The following NR6A1 variants were observed in gnomAD, a reference collection of about 807,000 sequenced individuals.
NR6A1 encodes the protein nuclear receptor subfamily 6 group A member 1.
In NR6A1, 7 loss-of-function variants were observed where a neutral mutation model predicts 59.1. That is an observed-to-expected ratio of 0.12 (90% CI 0.07 to 0.22). NR6A1 has a LOEUF of 0.22. NR6A1 is among the 10% of genes least tolerant of loss of function. The probability of loss-of-function intolerance (pLI) is 1.00; values close to 1 mark genes in which losing one functional copy is unlikely to be tolerated. For missense variants in NR6A1, 468 were observed against 611.6 expected (o/e 0.77, Z 2.48); for synonymous variants, 243 against 236.1 (o/e 1.03, Z -0.27).
At chr9:124,627,749 T>C (rs141671120) in intron 2 of NR6A1, among the ~76,000 whole-genome samples, 1 of 151,990 alleles carries the variant, frequency 6.6e-6, no homozygotes, top group East Asian at 2.0e-4. Context: ...TTTTCAAATT[T>C]TTTTGTACAA....
At chr9:124,765,493 C>G (rs1429830571) in intron 1 of NR6A1, among the ~76,000 whole-genome samples, 1 of 152,024 alleles carries the variant, frequency 6.6e-6, no homozygotes, top group Non-Finnish European at 1.5e-5. Context: ...TTTTTAAGAA[C>G]AAAAATTCCA....
At chr9:124,616,118 A>G (rs1253907106) in intron 2 of NR6A1, among the ~76,000 whole-genome samples, 1 of 151,970 alleles carries the variant, frequency 6.6e-6, no homozygotes, top group East Asian at 1.9e-4. Context: ...AACTAATTGG[A>G]CAGGCGCAGT....
At chr9:124,562,343 A>T (rs1369167068) in intron 2 of NR6A1, among the ~76,000 whole-genome samples, 1 of 152,228 alleles carries the variant, frequency 6.6e-6, no homozygotes, top group Non-Finnish European at 1.5e-5. Flanking sequence ...CCATAACTAA[A>T]CACAAACATT....
intron 2 of NR6A1, among the ~76,000 whole-genome samples, chr9:124,724,942 A>C (rs931396816): frequency 3.3e-5 from 5 of 152,240 alleles, no homozygotes; most frequent in African/African-American, 1.2e-4. Flanking sequence ...TCCTGAAGTC[A>C]CAGGTCCCTT....
chr9:124,660,588 TG>T (rs1837399675), intron 2 of NR6A1, among the ~76,000 whole-genome samples: 1 of 128,258 alleles, frequency 7.8e-6, no homozygotes, highest in Admixed American at 1.0e-4. Context: ...TGCAGAAAGA[TG>T]GGGGATTCAG....
intron 2 of NR6A1, among the ~76,000 whole-genome samples, chr9:124,644,271 C>CTTTT (rs35401605): frequency 0.76 from 74,126 of 97,048 alleles, 29,441 homozygotes; most frequent in South Asian, 0.88. Context: ...ATTAAGTCTT[C>CTTTT]TTTTTTTTTT....
chr9:124,550,924 A>G (rs1833761321), intron 3 of NR6A1, among the ~76,000 whole-genome samples: 1 of 152,194 alleles, frequency 6.6e-6, no homozygotes, highest in Admixed American at 6.5e-5. Context: ...GTATGAACTC[A>G]TGGATATTTT....
intron 2 of NR6A1, among the ~76,000 whole-genome samples, chr9:124,718,784 ATTAAAC>A (rs989439673): frequency 4.3e-5 from 6 of 138,736 alleles, no homozygotes; most frequent in African/African-American, 1.6e-4. Context: ...CGAGTCCCCT[ATTAAAC>A]TTAAATTGTT....
intron 2 of NR6A1, among the ~76,000 whole-genome samples, chr9:124,668,370 A>G (rs1310155702): frequency 2.7e-5 from 4 of 149,542 alleles, no homozygotes; most frequent in Non-Finnish European, 4.4e-5. Flanking sequence ...AGAGGCAGCC[A>G]TACTTAGTGT....
intron 1 of NR6A1, among the ~76,000 whole-genome samples, chr9:124,743,789 T>A (rs1298282481): frequency 4.6e-5 from 7 of 152,232 alleles, no homozygotes; most frequent in Admixed American, 2.0e-4. Flanking sequence ...TCAGAGGTCA[T>A]TAGTGTTTCT....
At chr9:124,740,723 C>T (rs1047004207) in intron 1 of NR6A1, among the ~76,000 whole-genome samples, 1 of 152,162 alleles carries the variant, frequency 6.6e-6, no homozygotes, top group Non-Finnish European at 1.5e-5. Context: ...ATACAACAGT[C>T]ATTCACTGGT....
intron 2 of NR6A1, among the ~76,000 whole-genome samples, chr9:124,727,977 C>T (rs1839771834): frequency 6.6e-6 from 1 of 151,868 alleles, no homozygotes. Flanking sequence ...GCCACCATGC[C>T]TGGCCTAATG....
intron 2 of NR6A1, among the ~76,000 whole-genome samples, chr9:124,665,285 A>G (rs1406690361): frequency 6.6e-6 from 1 of 152,130 alleles, no homozygotes; most frequent in African/African-American, 2.4e-5. Context: ...CATTTGTTGA[A>G]GTCAAACTAA....
At chr9:124,531,396 AAGG>A (rs781498560) in intron 7 of NR6A1, among the ~76,000 whole-genome samples, 1 of 152,222 alleles carries the variant, frequency 6.6e-6, no homozygotes, top group Non-Finnish European at 1.5e-5. Context: ...GAGAAGAGAA[AAGG>A]AGGTGATCAT....
intron 2 of NR6A1, among the ~76,000 whole-genome samples, chr9:124,580,713 A>G (rs1834738904): frequency 6.6e-6 from 1 of 152,014 alleles, no homozygotes; most frequent in Admixed American, 6.6e-5. Flanking sequence ...CCAGTTACTC[A>G]GGGGGCTAAG....
intron 2 of NR6A1, among the ~76,000 whole-genome samples, chr9:124,566,479 C>T (rs140843311): frequency 1.7e-3 from 258 of 152,228 alleles, no homozygotes; most frequent in African/African-American, 5.9e-3. Context: ...GGAAAACAAA[C>T]GCAAGGTGTG....
chr9:124,734,862 A>G (rs1294506912), intron 1 of NR6A1, among the ~76,000 whole-genome samples: 2 of 152,088 alleles, frequency 1.3e-5, no homozygotes, highest in African/African-American at 4.8e-5. Flanking sequence ...TTTTTGTTTG[A>G]TACGGAGTTT....
intron 2 of NR6A1, among the ~76,000 whole-genome samples, chr9:124,648,982 G>A (rs1177856887): frequency 6.6e-6 from 1 of 151,972 alleles, no homozygotes; most frequent in Non-Finnish European, 1.5e-5. Flanking sequence ...GACATCCCAT[G>A]TTCATAAAGT....
At chr9:124,696,160 C>T (rs116772057) in intron 2 of NR6A1, among the ~76,000 whole-genome samples, 1,546 of 152,086 alleles carry the variant, frequency 0.01, 24 homozygotes, top group African/African-American at 0.035. Flanking sequence ...GTGAGCAAGG[C>T]GCAAAGTCAA....
Sources: allele counts gnomAD v4.1 joint callset (sites outside exome capture counted in the v4.1 genomes callset), GRCh38; gene constraint gnomAD v4.1.1; transcripts MANE v1.5; gene names NCBI Gene and HGNC (gene_info 2026-07-23, HGNC 2026-07-21).